HLX: variants seen among roughly 807,000 people sequenced by gnomAD.
HLX encodes H2.0 like homeobox.
Under a neutral mutation model 27.7 loss-of-function variants are expected in HLX, and 6 were observed. The observed-to-expected ratio is 0.22, with a 90% CI of 0.12 to 0.43. HLX has a LOEUF of 0.43. HLX is among the 20% of genes least tolerant of loss of function. The probability of loss-of-function intolerance (pLI) is 1.00; values close to 1 mark genes in which losing one functional copy is unlikely to be tolerated. For missense variants in HLX, 666 were observed against 655.2 expected (o/e 1.02, Z -0.18); for synonymous variants, 328 against 293.8 (o/e 1.12, Z -1.19).
At position 220,884,899 on chromosome 1, in the gene HLX, A is replaced by T; in HGVS notation, c.*195A>T. On this transcript the variant is annotated 3_prime_UTR_variant, in exon 4 of 4. Transcript: ENST00000366903. This position sits in a 1 kb window ranked among gnomAD's most constrained non-coding sequence, Gnocchi z 4.9. Reference sequence around the variant, plus strand: ...ACTGCCCAAAGCAGAGGGGAGTCTCAGTGTCCTGCTAGCCAGCCGAACACT... The same window carrying T: ...ACTGCCCAAAGCAGAGGGGAGTCTCTGTGTCCTGCTAGCCAGCCGAACACT... The T allele has an allele frequency of 3.5e-6, 3 of 850,998 alleles. No individual in the cohort carries two copies. The South Asian group carries it at 5.4e-5, about 15-fold the overall frequency. The allele number at this position is 850,998 out of a possible 1,614,324, so 52.7% of individuals were successfully genotyped here.
chr1:220,880,642 A>G, intron 1 of HLX, 193 bp downstream of exon 1: 1 of 626,564 alleles, frequency 1.6e-6, no homozygotes, highest in East Asian at 2.7e-5. Context: ...AACAAACAAA[A>G]AATGACTCCA....
chr1:220,883,621 T>G (rs189485522), intron 3 of HLX: 3 of 156,570 alleles, frequency 1.9e-5, no homozygotes, highest in African/African-American at 4.8e-5. Context: ...CACCCTACTG[T>G]GATTAACAGT....
intron 3 of HLX, 168 bp downstream of exon 3, chr1:220,882,516 G>A: frequency 1.6e-6 from 1 of 632,402 alleles, no homozygotes; most frequent in Non-Finnish European, 2.8e-6. Context: ...AGGAGAAGAG[G>A]AGGGTGGAGA....
rs532694676 is a variant in HLX, at chr1:220,884,200, G to C, written c.963G>C (p.Lys321Asn). Residue 321 changes from lysine (K) to asparagine (N), a missense_variant, in exon 4 of 4, where the codon AAG becomes AAC. Physicochemically the swap from Lys to Asn is moderately conservative, Grantham distance 94 (BLOSUM62 0). Transcript: ENST00000366903. The surrounding 1 kb of genome is among the most constrained non-coding windows in gnomAD (Gnocchi z 4.9). ...AMLGLTDAQV[K>N]VWFQNRRMKW... ...CCCGGTGTGGCGCGGCGCAGGTGAAGGTGTGGTTCCAGAACCGGCGGATGA... is the reference window on the plus strand; with the variant it reads ...CCCGGTGTGGCGCGGCGCAGGTGAACGTGTGGTTCCAGAACCGGCGGATGA... 1 of 1,614,012 alleles carries C rather than the reference G, an allele frequency of 6.2e-7. No individual in the cohort carries two copies. The highest frequency in any genetic ancestry group is 8.5e-7 in the Non-Finnish European group (1 of 1,180,008).
Position 220,884,387 on chromosome 1 carries a change from C to T in HLX, c.1150C>T (p.Leu384=), listed in dbSNP as rs764131123. ...GAGCGAGAGCAGCGACTCCGAGTCC[C>T]TGGACATGGCCCCCAGCGACACGGA... The part of the protein sequence containing the change: ...AESESSDSES[L]DMAPSDTERT... The change falls in exon 4 of 4, where the codon CTG becomes TTG. Residue 384 remains leucine (L), a synonymous_variant. Transcript: ENST00000366903. The surrounding 1 kb of genome is among the most constrained non-coding windows in gnomAD (Gnocchi z 4.9). 2.5e-6 allele frequency: 4 copies of T among 1,614,144 alleles called. No homozygotes were observed. The South Asian group carries it at 4.4e-5, about 18-fold the overall frequency.
Position 220,880,244 on chromosome 1 carries a change from G to GCAGCAA in HLX, c.392_397dup (p.Gln131_Gln132dup). The GCAGCAA allele has an allele frequency of 1.2e-6, 2 of 1,612,928 alleles. No homozygotes were observed. Among genetic ancestry groups the GCAGCAA allele is most frequent in the Non-Finnish European group, 1.7e-6 (2 of 1,179,280 alleles). On this transcript the variant is annotated inframe_insertion, in exon 1 of 4. Transcript: ENST00000366903. ...ACCATCACCCGCAACAACAACAGCA[G>GCAGCAA]CAGCAACAGCCGCAGCAGCAACAGC...
At chr1:220,880,735 TTAA>T in intron 1 of HLX, 2 of 541,528 alleles carry the variant, frequency 3.7e-6, no homozygotes, top group Non-Finnish European at 3.3e-6. Context: ...TTTGATCTCT[TTAA>T]TAATGTATCT....
Position 220,884,488 on chromosome 1 carries a change from C to T in HLX, c.1251C>T (p.Thr417=). 1 of 1,614,052 alleles carries T rather than the reference C, an allele frequency of 6.2e-7. No individual in the cohort carries two copies. Among genetic ancestry groups the T allele is most frequent in the South Asian group, 1.1e-5 (1 of 91,058 alleles). ...CCCCGGTCACTGGCGCCCTCATTAC[C>T]GCCAGCAGTGCTGGGAGTGGTGGGA... ...IKAPVTGALI[T]ASSAGSGGSS... The change falls in exon 4 of 4, where the codon ACC becomes ACT. Residue 417 remains threonine (T), a synonymous_variant. Coordinates refer to ENST00000366903, the MANE Select transcript of HLX (RefSeq NM_021958.4). This position sits in a 1 kb window ranked among gnomAD's most constrained non-coding sequence, Gnocchi z 4.9.
intron 3 of HLX, chr1:220,883,819 T>C: frequency 3.6e-6 from 1 of 276,276 alleles, no homozygotes; most frequent in South Asian, 5.0e-5. Flanking sequence ...TCCATAACTT[T>C]AATCAGATTC....
At chr1:220,880,987 C>G in intron 1 of HLX, 1 of 609,712 alleles carries the variant, frequency 1.6e-6, no homozygotes, top group Admixed American at 3.0e-5. Flanking sequence ...TATATACATG[C>G]ATATGGACGT....
intron 1 of HLX, chr1:220,880,865 G>T: frequency 2.4e-6 from 1 of 423,704 alleles, no homozygotes; most frequent in South Asian, 3.4e-5. Flanking sequence ...AAACCGCCTA[G>T]ATGAGCGGGC....
At chr1:220,881,437 C>G (rs2102641966) in intron 2 of HLX, 64 bp downstream of exon 2, 1 of 1,358,738 alleles carries the variant, frequency 7.4e-7, no homozygotes, top group East Asian at 2.3e-5. Context: ...AATCTCAGGA[C>G]TGACGCCTCC....
At chr1:220,883,712 G>A (rs1198420594) in intron 3 of HLX, 3 of 165,548 alleles carry the variant, frequency 1.8e-5, no homozygotes, top group Admixed American at 5.7e-5. Flanking sequence ...GTAGAGGAGA[G>A]GGCCAACTTA....
intron 3 of HLX, chr1:220,883,207 C>T: frequency 6.6e-6 from 1 of 150,392 alleles, no homozygotes; most frequent in South Asian, 2.1e-4. Context: ...AGGCAGGCTT[C>T]TTTTTCTTAG....
chr1:220,881,262 G>C lies in HLX; in HGVS notation c.661G>C (p.Gly221Arg). 1.2e-6 allele frequency: 2 copies of C among 1,614,182 alleles called. No homozygotes were observed. The highest frequency in any genetic ancestry group is 1.7e-6 in the Non-Finnish European group (2 of 1,179,998). ...VHLSGLQPSA[G>R]QFFASLDPIN... ...CCTCTCAGGCCTGCAGCCCTCGGCC[G>C]GCCAGTTCTTCGCATCTCTAGATCC... is the stretch of plus-strand genomic sequence containing the variant. The change falls in exon 2 of 4, where the codon GGC becomes CGC. Residue 221 changes from glycine (G) to arginine (R), a missense_variant. Coordinates refer to ENST00000366903, the MANE Select transcript of HLX (RefSeq NM_021958.4).
chr1:220,880,362 C>T lies in HLX; in HGVS notation c.505C>T (p.Pro169Ser), dbSNP rs753785405. ...NPHHSGSAPA[P>S]SSKDLKFGID... is the part of the protein sequence containing the mutation. Reference sequence around the variant, plus strand: ...CCACCACAGTGGCTCTGCCCCGGCCCCCTCCAGCAAAGACCTCAAATTTGG... The same window carrying T: ...CCACCACAGTGGCTCTGCCCCGGCCTCCTCCAGCAAAGACCTCAAATTTGG... Residue 169 changes from proline (P) to serine (S), a missense_variant, in exon 1 of 4, where the codon CCC (proline) becomes TCC (serine). Pro to Ser is a moderately conservative substitution (Grantham distance 74). Transcript: ENST00000366903. 2 of 1,613,988 alleles carry T rather than the reference C, an allele frequency of 1.2e-6. No individual in the cohort carries two copies. The highest frequency in any genetic ancestry group is 1.7e-5 in the Admixed American group (1 of 60,008).
chr1:220,880,080 CACTTGGGCTCGG>C lies in HLX; in HGVS notation c.224_235del (p.His75_Val79delinsLeu). 1 of 1,592,978 alleles carries C rather than the reference CACTTGGGCTCGG, an allele frequency of 6.3e-7. No individual in the cohort carries two copies. The highest frequency in any genetic ancestry group is 8.5e-7 in the Non-Finnish European group (1 of 1,172,644). On this transcript the variant is annotated inframe_deletion, in exon 1 of 4. Transcript: ENST00000366903. ...GGCCTCGGCCGCCGCCCTCACCGCGCACTTGGGCTCGGTTCACCCGCACGCCTCTTTCCAAGC... is the reference window on the plus strand; with the variant it reads ...GGCCTCGGCCGCCGCCCTCACCGCGCTTCACCCGCACGCCTCTTTCCAAGC...
chr1:220,882,669 G>A (rs977244394), intron 3 of HLX: 3 of 327,670 alleles, frequency 9.2e-6, no homozygotes, highest in Non-Finnish European at 1.7e-5. Context: ...ACACTCAACT[G>A]TAGTGCAATT....
In HLX at chr1:220,884,828, G is replaced by A. The variant is rs1320152730; in HGVS notation, c.*124G>A. 4 of 1,434,100 alleles carry A rather than the reference G, an allele frequency of 2.8e-6. No individual in the cohort carries two copies. Among genetic ancestry groups the A allele is most frequent in the Non-Finnish European group, 3.7e-6 (4 of 1,074,680 alleles). The allele number at this position is 1,434,100 out of a possible 1,614,324, so 88.8% of individuals were successfully genotyped here. A position where few individuals can be genotyped will look rare whatever the true frequency, so the allele number is the denominator to read the frequency against. On this transcript the variant is annotated 3_prime_UTR_variant, in exon 4 of 4. Transcript: ENST00000366903. The surrounding 1 kb of genome is among the most constrained non-coding windows in gnomAD (Gnocchi z 4.9). The stretch of plus-strand genomic sequence containing the variant: ...AGACGCAGCGTGGAGCCTACCTCCC[G>A]ACATTCACGCTTCGCCCCACGCTGC...
Sources: gnomAD v4.1 joint callset for allele counts on GRCh38, gnomAD v4.1.1 for gene constraint, Gnocchi (gnomAD v3.1) non-coding constraint, MANE v1.5 for transcripts, NCBI Gene and HGNC (gene_info 2026-07-23, HGNC 2026-07-21) for gene names.